Variants in ORC4 observed in about 807,000 individuals in gnomAD.
ORC4 encodes origin recognition complex, subunit 4 homolog.
A neutral mutation model predicts 63.9 loss-of-function variants in ORC4; 55 were observed. The ratio of observed to expected loss-of-function variants is 0.86; its 90% CI spans 0.69 to 1.08. The LOEUF is 1.08. Among genes scored for constraint, ORC4 ranks in the 50% least tolerant of loss-of-function variants. The pLI, the probability that ORC4 is intolerant of heterozygous loss-of-function variation, is 0.00. For synonymous variants in ORC4, 150 were observed against 168.5 expected (o/e 0.89, Z 0.85); for missense variants, 511 against 504.4 (o/e 1.01, Z -0.13).
At chr2:147,941,151 C>G (rs1157597965) in intron 10 of ORC4, among the ~76,000 whole-genome samples, 1 of 151,944 alleles carries the variant, frequency 6.6e-6, no homozygotes, top group Middle Eastern at 3.4e-3. Context: ...GAGGTTTTAC[C>G]CATGTTGAGG....
chr2:148,014,281 T>G (rs1303208210), intron 1 of ORC4, among the ~76,000 whole-genome samples: 1 of 152,150 alleles, frequency 6.6e-6, no homozygotes, highest in Non-Finnish European at 1.5e-5. Context: ...TGTTCAGAGT[T>G]TAAGGACAAC....
At chr2:147,989,633 G>A (rs1691452790) in intron 1 of ORC4, among the ~76,000 whole-genome samples, 1 of 152,102 alleles carries the variant, frequency 6.6e-6, no homozygotes, top group African/African-American at 2.4e-5. Flanking sequence ...CTTGAACCCA[G>A]GAGGCGGAGG....
intron 1 of ORC4, among the ~76,000 whole-genome samples, chr2:147,989,754 C>T (rs186733219): frequency 6.6e-6 from 1 of 152,070 alleles, no homozygotes; most frequent in Non-Finnish European, 1.5e-5. Context: ...AAAAACCATG[C>T]ACCACTTTCC....
At chr2:147,940,042 C>T (rs946201979) in intron 10 of ORC4, among the ~76,000 whole-genome samples, 5 of 152,148 alleles carry the variant, frequency 3.3e-5, no homozygotes, top group East Asian at 1.9e-4. Flanking sequence ...TTAACAAGGG[C>T]GCAACTGATT....
chr2:147,944,693 CT>C (rs34699215), intron 9 of ORC4, among the ~76,000 whole-genome samples: 45,314 of 131,276 alleles, frequency 0.35, 7,154 homozygotes, highest in East Asian at 0.51. Flanking sequence ...AATAAGGATT[CT>C]TTTAAAAAAA....
At chr2:147,980,794 G>C (rs1301553800) in intron 1 of ORC4, among the ~76,000 whole-genome samples, 1 of 152,148 alleles carries the variant, frequency 6.6e-6, no homozygotes, top group Non-Finnish European at 1.5e-5. Context: ...AATCATTATG[G>C]AAAACAGTAT....
At chr2:147,992,354 TC>T (rs1226120494) in intron 1 of ORC4, among the ~76,000 whole-genome samples, 1 of 152,144 alleles carries the variant, frequency 6.6e-6, no homozygotes, top group East Asian at 1.9e-4. Context: ...ACTCCTGGCC[TC>T]AAGCAATCCT....
chr2:147,970,269 A>T (rs962319682), intron 4 of ORC4, among the ~76,000 whole-genome samples: 4 of 152,170 alleles, frequency 2.6e-5, no homozygotes, highest in Non-Finnish European at 5.9e-5. Context: ...TCCTATTGTG[A>T]TGTATAAATT....
At chr2:147,974,839 C>T (rs1287929347) in intron 2 of ORC4, among the ~76,000 whole-genome samples, 1 of 140,504 alleles carries the variant, frequency 7.1e-6, no homozygotes, top group East Asian at 2.1e-4. Context: ...CAGAAAACCT[C>T]ATTAAAATAT....
chr2:147,938,720 C>T (rs1011735256), intron 11 of ORC4: 3 of 345,068 alleles, frequency 8.7e-6, no homozygotes, highest in African/African-American at 2.1e-5. Flanking sequence ...TTAAATCACA[C>T]AGGGCCTTTG....
chr2:148,001,271 G>A (rs554620240), intron 1 of ORC4, among the ~76,000 whole-genome samples: 5 of 152,186 alleles, frequency 3.3e-5, no homozygotes, highest in African/African-American at 1.2e-4. Context: ...TTTTACCTTT[G>A]CAACAGTTAA....
intron 11 of ORC4, 78 bp downstream of exon 11, chr2:147,939,062 T>G: frequency 1.1e-6 from 1 of 882,634 alleles, no homozygotes; most frequent in Non-Finnish European, 1.9e-6. Flanking sequence ...CCACGTTAAT[T>G]GTAATTTTAA....
intron 1 of ORC4, among the ~76,000 whole-genome samples, chr2:147,995,312 TA>T (rs1165545737): frequency 6.7e-6 from 1 of 149,914 alleles, no homozygotes; most frequent in African/African-American, 2.5e-5. Flanking sequence ...CAGCACTGTG[TA>T]AAAACGCACC....
At chr2:147,972,884 A>G in intron 3 of ORC4, 55 bp from the exon 4 acceptor site, 1 of 1,201,102 alleles carries the variant, frequency 8.3e-7, no homozygotes, top group Non-Finnish European at 1.2e-6. Flanking sequence ...ATACTTTGTT[A>G]TGTTGTAGTT....
Position 147,943,530 on chromosome 2 carries a change from GAAA to G in ORC4, c.763-11_763-9del, listed in dbSNP as rs66919703. On this transcript the variant is annotated splice_polypyrimidine_tract_variant and intron_variant, in intron 9 of 13. Transcript: ENST00000392857. ...TCTATCTTCTGAGAGATACTAAAAG[GAAA>G]AAAAAAAAAAAAGCCAAAATTGAGG... The G allele has an allele frequency of 3.1e-3, 3,571 of 1,159,244 alleles. No individual in the cohort carries two copies. The highest frequency in any genetic ancestry group is 4.0e-3 in the Admixed American group (206 of 50,872). 71.8% of individuals were successfully genotyped at this position (1,159,244 alleles called of 1,614,324 possible).
rs1218684009 is a variant in ORC4 at position 147,948,199 on chromosome 2, CTT to C, written c.612_613del (p.Arg205SerfsTer23). The C allele has an allele frequency of 5.0e-6, 8 of 1,608,768 alleles. No homozygotes were observed. Among genetic ancestry groups the C allele is most frequent in the Non-Finnish European group, 6.8e-6 (8 of 1,176,460 alleles). On this transcript the variant is annotated frameshift_variant, in exon 9 of 14. Coordinates refer to ENST00000392857, the MANE Select transcript of ORC4 (RefSeq NM_181741.4). LOFTEE classifies it high-confidence loss of function. ...CCGGTGAGAAAATCTTGACTTCACT[CTT>C]TTTTCTAAGAGTTCCAAAATATCCT...
chr2:148,013,639 GA>G (rs1693101903), intron 1 of ORC4, among the ~76,000 whole-genome samples: 1 of 152,028 alleles, frequency 6.6e-6, no homozygotes, highest in Non-Finnish European at 1.5e-5. Context: ...CCAATTACCT[GA>G]TTTGATCATT....
chr2:147,934,640 A>T lies in ORC4; in HGVS notation c.*870T>A, dbSNP rs761069940. 3.9e-5 allele frequency: 6 copies of T among 152,180 alleles called. No homozygotes were observed. Among genetic ancestry groups the T allele is most frequent in the Non-Finnish European group, 8.8e-5 (6 of 68,042 alleles). The allele number at this position is 152,180 out of a possible 1,614,324, so 9.4% of individuals were successfully genotyped here. A position where few individuals can be genotyped will look rare whatever the true frequency, so the allele number is the denominator to read the frequency against. ...AGCCTGTTACACACTTAGGCTATACAGATAGCCTAGCCTATTACTCTTCAG... is the reference window on the plus strand; with the variant it reads ...AGCCTGTTACACACTTAGGCTATACTGATAGCCTAGCCTATTACTCTTCAG... On this transcript the variant is annotated 3_prime_UTR_variant, in exon 14 of 14. Transcript: ENST00000392857.
At chr2:147,972,704 C>A (rs771389093) in intron 4 of ORC4, 35 bp downstream of exon 4, 8 of 1,219,232 alleles carry the variant, frequency 6.6e-6, no homozygotes, top group Admixed American at 1.7e-5. Context: ...AGAATCATCA[C>A]ATGCCAACAA....
Sources: gnomAD v4.1 joint callset for allele counts (sites outside exome capture counted in the v4.1 genomes callset) on GRCh38, gnomAD v4.1.1 for gene constraint, MANE v1.5 for transcripts, NCBI Gene and HGNC (gene_info 2026-07-23, HGNC 2026-07-21) for gene names.